ASCC3: variants seen among roughly 807,000 people sequenced by gnomAD.
The protein encoded by ASCC3 is ASC-1 complex subunit P200.
In ASCC3, 158 loss-of-function variants were observed where a neutral mutation model predicts 256.3. The ratio of observed to expected loss-of-function variants is 0.62; its 90% CI spans 0.54 to 0.70. The LOEUF is 0.70. ASCC3 is among the 30% of genes least tolerant of loss of function. The pLI is 0.00. For synonymous variants in ASCC3, 948 were observed against 883.4 expected, an observed-to-expected ratio of 1.07 and a Z score of -1.30; for missense variants, 2,259 against 2,626.0, an observed-to-expected ratio of 0.86 and a Z score of 3.05.
At chr6:100,762,876 A>T (rs1781479166) in intron 10 of ASCC3, among the ~76,000 whole-genome samples, 1 of 152,222 alleles carries the variant, frequency 6.6e-6, no homozygotes, top group African/African-American at 2.4e-5. Flanking sequence ...AAAATTTGCA[A>T]ATGAGATTAA....
chr6:100,568,547 G>A (rs181329762), intron 36 of ASCC3, among the ~76,000 whole-genome samples: 38 of 150,692 alleles, frequency 2.5e-4, no homozygotes, highest in African/African-American at 8.0e-4. Context: ...GAGTTATTTC[G>A]TTTTTTTTGC....
At chr6:100,633,583 A>G (rs1774666822) in intron 25 of ASCC3, among the ~76,000 whole-genome samples, 1 of 152,060 alleles carries the variant, frequency 6.6e-6, no homozygotes, top group Non-Finnish European at 1.5e-5. Flanking sequence ...AATTTGTGCC[A>G]GGCTGGGTGC....
chr6:100,658,012 C>T (rs1379184122), intron 16 of ASCC3, among the ~76,000 whole-genome samples: 1 of 151,428 alleles, frequency 6.6e-6, no homozygotes, highest in Non-Finnish European at 1.5e-5. Flanking sequence ...TATAGTAAGT[C>T]AGTAACAAGC....
chr6:100,817,078 T>G (rs1403595028), intron 4 of ASCC3, among the ~76,000 whole-genome samples: 1 of 152,078 alleles, frequency 6.6e-6, no homozygotes, highest in Non-Finnish European at 1.5e-5. Flanking sequence ...ATAGATCATA[T>G]AGTTAGCTAT....
At chr6:100,528,068 G>A (rs1390377750) in intron 37 of ASCC3, among the ~76,000 whole-genome samples, 1 of 151,636 alleles carries the variant, frequency 6.6e-6, no homozygotes, top group Non-Finnish European at 1.5e-5. Context: ...CGAATTCCTG[G>A]CCTCAAGTGA....
chr6:100,778,570 TG>T (rs1415782792), intron 8 of ASCC3, among the ~76,000 whole-genome samples: 2 of 152,264 alleles, frequency 1.3e-5, no homozygotes, highest in East Asian at 3.9e-4. Context: ...AATGGAATTT[TG>T]TAATATACTA....
intron 4 of ASCC3, among the ~76,000 whole-genome samples, chr6:100,811,357 C>T (rs1365687679): frequency 6.6e-6 from 1 of 152,148 alleles, no homozygotes; most frequent in Non-Finnish European, 1.5e-5. Flanking sequence ...TTTCTCCCTT[C>T]ATCACCAATT....
chr6:100,595,790 G>C (rs1180723143), intron 34 of ASCC3, among the ~76,000 whole-genome samples: 3 of 152,076 alleles, frequency 2.0e-5, no homozygotes, highest in Admixed American at 6.6e-5. Context: ...TACTAAATGA[G>C]TTAAGCTCCT....
At chr6:100,694,584 C>A (rs1480812501) in intron 13 of ASCC3, among the ~76,000 whole-genome samples, 1 of 152,070 alleles carries the variant, frequency 6.6e-6, no homozygotes, top group East Asian at 1.9e-4. Context: ...ATAGTTAATT[C>A]CAAGTCTGAG....
chr6:100,820,498 T>C (rs1166472643), intron 4 of ASCC3, among the ~76,000 whole-genome samples: 1 of 152,020 alleles, frequency 6.6e-6, no homozygotes, highest in Non-Finnish European at 1.5e-5. Flanking sequence ...AATGAATAAA[T>C]GACCTAAATG....
intron 22 of ASCC3, among the ~76,000 whole-genome samples, chr6:100,646,246 A>C (rs901894759): frequency 6.6e-6 from 1 of 152,116 alleles, no homozygotes; most frequent in Non-Finnish European, 1.5e-5. Flanking sequence ...ACTCGTTGAC[A>C]TATTACTAAT....
intron 14 of ASCC3, among the ~76,000 whole-genome samples, chr6:100,676,379 C>T (rs1414493218): frequency 6.6e-6 from 1 of 152,088 alleles, no homozygotes; most frequent in East Asian, 1.9e-4. Context: ...GTTTAGATGT[C>T]CAAGGCCACA....
chr6:100,512,621 G>A (rs1403003289), intron 40 of ASCC3, 88 bp downstream of exon 40: 8 of 1,313,004 alleles, frequency 6.1e-6, no homozygotes, highest in East Asian at 4.6e-5. Context: ...TGAATGACAC[G>A]GGCACATTAG....
At chr6:100,581,134 C>G (rs1470967332) in intron 36 of ASCC3, among the ~76,000 whole-genome samples, 3 of 152,262 alleles carry the variant, frequency 2.0e-5, no homozygotes, top group Admixed American at 6.5e-5. Context: ...ATTTCTACTT[C>G]TAGATCCCTG....
chr6:100,643,967 G>T, intron 23 of ASCC3, 64 bp downstream of exon 23: 8 of 1,086,730 alleles, frequency 7.4e-6, no homozygotes, highest in South Asian at 1.4e-5. Context: ...AATAAAAGCA[G>T]AAACTGTTAG....
intron 4 of ASCC3, among the ~76,000 whole-genome samples, chr6:100,835,267 C>T (rs966943279): frequency 3.3e-5 from 5 of 152,058 alleles, no homozygotes; most frequent in Admixed American, 6.6e-5. Context: ...TGTACAGATG[C>T]TTTTTAGATT....
intron 14 of ASCC3, among the ~76,000 whole-genome samples, chr6:100,663,544 T>G (rs1165736962): frequency 6.6e-6 from 1 of 152,056 alleles, no homozygotes; most frequent in Non-Finnish European, 1.5e-5. Flanking sequence ...TACTTAATAA[T>G]GGCCCTGAAG....
intron 14 of ASCC3, among the ~76,000 whole-genome samples, chr6:100,678,313 A>G (rs946747226): frequency 5.3e-5 from 8 of 152,144 alleles, no homozygotes; most frequent in Non-Finnish European, 1.2e-4. Context: ...ACTTATGAAT[A>G]CCAACTTGAC....
chr6:100,652,630 T>C, intron 18 of ASCC3, 95 bp downstream of exon 18: 3 of 1,292,000 alleles, frequency 2.3e-6, no homozygotes, highest in Non-Finnish European at 3.3e-6. Flanking sequence ...GATTTTGTTC[T>C]ATTATTTGCT....
Sources: allele counts gnomAD v4.1 joint callset (sites outside exome capture counted in the v4.1 genomes callset), GRCh38; gene constraint gnomAD v4.1.1; transcripts MANE v1.5; gene names NCBI Gene and HGNC (gene_info 2026-07-23, HGNC 2026-07-21).